Variants in SPRED2 observed in about 807,000 individuals in gnomAD.
SPRED2 encodes the protein sprouty-related, EVH1 domain-containing protein 2.
In SPRED2, 47 loss-of-function variants were observed where a neutral mutation model predicts 43.0. That is an observed-to-expected ratio of 1.09 (90% CI 0.87 to 1.40). SPRED2 has a LOEUF of 1.40. SPRED2 is among the 40% of genes most tolerant of loss of function. SPRED2 has a pLI of 0.00. For synonymous variants in SPRED2, 225 were observed against 225.7 expected (o/e 1.00, Z 0.03); for missense variants, 561 against 586.4 (o/e 0.96, Z 0.45).
chr2:65,327,705 CTTTCTTTCT>C (rs1673671169), intron 4 of SPRED2, among the ~76,000 whole-genome samples: 3 of 122,544 alleles, frequency 2.4e-5, no homozygotes, highest in African/African-American at 9.2e-5. Flanking sequence ...CTTTTCTTTT[CTTTCTTTCT>C]TTTTTTTTTT....
At chr2:65,429,736 C>T (rs1034583868) in intron 1 of SPRED2, among the ~76,000 whole-genome samples, 33 of 152,246 alleles carry the variant, frequency 2.2e-4, no homozygotes, top group African/African-American at 7.5e-4. Context: ...TTAAAAATAA[C>T]CCCTATAAGC....
chr2:65,359,022 G>A (rs1035973470), intron 1 of SPRED2, among the ~76,000 whole-genome samples: 9 of 152,166 alleles, frequency 5.9e-5, no homozygotes, highest in African/African-American at 1.9e-4. Flanking sequence ...ATCTTGAATG[G>A]CTCTAAAAGG....
intron 1 of SPRED2, chr2:65,380,512 TGTTA>T (rs1282347869): frequency 1.3e-5 from 2 of 152,226 alleles, no homozygotes; most frequent in African/African-American, 2.4e-5. Context: ...CCATCCTTAC[TGTTA>T]GTTAAACACC....
chr2:65,357,509 A>T lies in SPRED2; in HGVS notation c.27-12613T>A, dbSNP rs144698057. Among the ~76,000 whole-genome samples, 227 of 152,330 alleles carry T rather than the reference A, an allele frequency of 1.5e-3. No individual in the cohort carries two copies. In the South Asian group the frequency reaches 0.018, roughly 12 times the overall value. On this transcript the variant is annotated intron_variant, in intron 1 of 5. Transcript: ENST00000356388. ...CATTAGGGACAGATAAAGGACTAAG[A>T]TCAGTCTCTGTGACAACCCCCGATC...
intron 2 of SPRED2, among the ~76,000 whole-genome samples, chr2:65,338,676 G>A (rs1426226411): frequency 6.6e-6 from 1 of 151,560 alleles, no homozygotes; most frequent in African/African-American, 2.4e-5. Flanking sequence ...CGCCTGCCTT[G>A]GCCCCCCAAA....
chr2:65,413,001 G>A (rs1460888269), intron 1 of SPRED2, among the ~76,000 whole-genome samples: 4 of 152,094 alleles, frequency 2.6e-5, no homozygotes, highest in African/African-American at 9.7e-5. Context: ...CCCCACCAAA[G>A]AATACCACCC....
intron 1 of SPRED2, among the ~76,000 whole-genome samples, chr2:65,362,629 T>C (rs1333956403): frequency 1.3e-5 from 2 of 151,732 alleles, no homozygotes; most frequent in Admixed American, 6.5e-5. Flanking sequence ...GAGGCCAAGG[T>C]GGGTGGATAA....
chr2:65,327,709 CTTTCTTTTTTTTT>C, intron 4 of SPRED2, among the ~76,000 whole-genome samples: 1 of 115,512 alleles, frequency 8.7e-6, no homozygotes, highest in Non-Finnish European at 1.8e-5. Flanking sequence ...TCTTTTCTTT[CTTTCTTTTTTTTT>C]TTTTTTTTTT....
intron 1 of SPRED2, among the ~76,000 whole-genome samples, chr2:65,351,898 G>A (rs2104289389): frequency 6.6e-6 from 1 of 152,240 alleles, no homozygotes; most frequent in East Asian, 1.9e-4. Context: ...GGACTGCCCT[G>A]GTTTTGGAAG....
chr2:65,308,854 G>A (rs1304457894), downstream of SPRED2, among the ~76,000 whole-genome samples: 5 of 152,046 alleles, frequency 3.3e-5, no homozygotes, highest in South Asian at 2.1e-4. Context: ...ACCTCACATC[G>A]AAAATATATT....
Position 65,311,849 on chromosome 2 carries a change from C to G in SPRED2, c.*1652G>C, listed in dbSNP as rs922984382. Reference sequence around the variant, plus strand: ...CCCATGAAGGTGAGCACAGCTAGCACTTTCCCAATATGATTGGCAGACTGG... The same window carrying G: ...CCCATGAAGGTGAGCACAGCTAGCAGTTTCCCAATATGATTGGCAGACTGG... On this transcript the variant is annotated 3_prime_UTR_variant, in exon 6 of 6. Transcript: ENST00000356388. 6 of 985,348 alleles carry G rather than the reference C, an allele frequency of 6.1e-6. No individual in the cohort carries two copies. In the African/African-American group the frequency reaches 1.0e-4, roughly 17 times the overall value. The allele number at this position is 985,348 out of a possible 1,614,324, so 61.0% of individuals were successfully genotyped here.
chr2:65,327,372 C>T (rs1162335066), intron 4 of SPRED2, among the ~76,000 whole-genome samples: 1 of 152,134 alleles, frequency 6.6e-6, no homozygotes, highest in African/African-American at 2.4e-5. Context: ...GTAAATAAAG[C>T]AAGACACAAG....
intron 1 of SPRED2, among the ~76,000 whole-genome samples, chr2:65,380,263 G>A (rs950166296): frequency 1.3e-5 from 2 of 152,154 alleles, no homozygotes; most frequent in African/African-American, 4.8e-5. Flanking sequence ...TCAGGTGCCA[G>A]TATCACTTAA....
intron 4 of SPRED2, among the ~76,000 whole-genome samples, chr2:65,325,111 G>A (rs1195291667): frequency 1.3e-5 from 2 of 152,194 alleles, no homozygotes; most frequent in African/African-American, 4.8e-5. Flanking sequence ...ACTATTAGAG[G>A]GCTGGCAATG....
chr2:65,351,005 C>T (rs1674494962), intron 1 of SPRED2, among the ~76,000 whole-genome samples: 1 of 152,154 alleles, frequency 6.6e-6, no homozygotes, highest in South Asian at 2.1e-4. Context: ...TGTTACAGGT[C>T]GTGTCAGATC....
At chr2:65,316,583 A>C in intron 5 of SPRED2, 151 bp downstream of exon 5, 1 of 953,134 alleles carries the variant, frequency 1.0e-6, no homozygotes, top group East Asian at 2.7e-5. Flanking sequence ...AGGTGCCACC[A>C]CCAATGCCAC....
At chr2:65,393,474 C>T (rs1033372103) in intron 1 of SPRED2, among the ~76,000 whole-genome samples, 17 of 152,014 alleles carry the variant, frequency 1.1e-4, no homozygotes, top group Middle Eastern at 3.4e-3. Context: ...TGTGACTACA[C>T]AGGCACGTGC....
chr2:65,349,394 C>T (rs921410957), intron 1 of SPRED2, among the ~76,000 whole-genome samples: 7 of 151,756 alleles, frequency 4.6e-5, no homozygotes, highest in Non-Finnish European at 4.4e-5. Context: ...CTTTCCCCCA[C>T]TCCAACCCCA....
chr2:65,335,816 T>G (rs999089119), intron 2 of SPRED2, among the ~76,000 whole-genome samples: 10 of 152,232 alleles, frequency 6.6e-5, no homozygotes, highest in Admixed American at 2.6e-4. Flanking sequence ...TAAACTTCAT[T>G]CTTTATTCAT....
Sources: allele counts gnomAD v4.1 joint callset (sites outside exome capture counted in the v4.1 genomes callset), GRCh38; gene constraint gnomAD v4.1.1; transcripts MANE v1.5; gene names NCBI Gene and HGNC (gene_info 2026-07-23, HGNC 2026-07-21).